Variants in RBFOX1 observed in about 807,000 individuals in gnomAD.
RBFOX1 encodes the protein RNA binding protein fox-1 homolog 1.
Under a neutral mutation model 57.7 loss-of-function variants are expected in RBFOX1, and 8 were observed. The ratio of observed to expected loss-of-function variants is 0.14; its 90% CI spans 0.08 to 0.25. The LOEUF (loss-of-function observed/expected upper bound fraction) is 0.25, where lower values mean the gene tolerates loss of function less well. Ranked by LOEUF, RBFOX1 falls within the 10% of genes least tolerant of loss-of-function variation. The pLI is 1.00. For missense variants in RBFOX1, 611 were observed against 548.5 expected (o/e 1.11, Z -1.14); for synonymous variants, 326 against 222.4 (o/e 1.47, Z -4.15).
At chr16:6,793,725 A>G (rs2083402244) in intron 3 of RBFOX1, among the ~76,000 whole-genome samples, 2 of 152,218 alleles carry the variant, frequency 1.3e-5, no homozygotes, top group South Asian at 4.1e-4. Context: ...GTTAGAGTAT[A>G]TTAAATTAAA....
chr16:5,719,924 G>A (rs913093633), intron 3 of RBFOX1, among the ~76,000 whole-genome samples: 1 of 152,134 alleles, frequency 6.6e-6, no homozygotes, highest in African/African-American at 2.4e-5. Context: ...ATATTTAGAA[G>A]TTCAGCTGCT....
intron 2 of RBFOX1, among the ~76,000 whole-genome samples, chr16:5,598,290 T>G (rs1401128668): frequency 6.6e-6 from 1 of 151,888 alleles, no homozygotes; most frequent in Admixed American, 6.6e-5. Context: ...TGCAAAGTGT[T>G]GCTGGAGTGG....
At chr16:6,461,735 T>A (rs1015134148) in intron 2 of RBFOX1, among the ~76,000 whole-genome samples, 1 of 152,198 alleles carries the variant, frequency 6.6e-6, no homozygotes, top group African/African-American at 2.4e-5. Context: ...ATTAATGGGA[T>A]AATTTTAGGT....
intron 3 of RBFOX1, among the ~76,000 whole-genome samples, chr16:6,928,316 C>G (rs6500879): frequency 0.77 from 116,564 of 152,086 alleles, 45,575 homozygotes; most frequent in African/African-American, 0.94. Flanking sequence ...GGGACAAAGG[C>G]GATCTGGAGG....
chr16:7,564,994 C>T (rs2091329748), intron 5 of RBFOX1, among the ~76,000 whole-genome samples: 1 of 152,084 alleles, frequency 6.6e-6, no homozygotes, highest in South Asian at 2.1e-4. Flanking sequence ...CGAAATGAGG[C>T]ATTAACTACA....
chr16:6,652,371 C>T (rs748711893), intron 2 of RBFOX1, among the ~76,000 whole-genome samples: 1 of 152,018 alleles, frequency 6.6e-6, no homozygotes, highest in Admixed American at 6.6e-5. Flanking sequence ...TCACTTGAAC[C>T]TGGGAGGTGG....
chr16:7,484,200 C>T (rs1022081271), intron 4 of RBFOX1, among the ~76,000 whole-genome samples: 2 of 152,110 alleles, frequency 1.3e-5, no homozygotes, highest in African/African-American at 2.4e-5. Context: ...TGGTACGTCA[C>T]GGTAGGAATA....
chr16:5,473,154 C>T (rs2069196394), intron 2 of RBFOX1, among the ~76,000 whole-genome samples: 1 of 152,210 alleles, frequency 6.6e-6, no homozygotes, highest in Non-Finnish European at 1.5e-5. Context: ...TCAGCATGAT[C>T]TGAAATAATA....
At chr16:5,974,453 AC>A (rs1343804117) in intron 4 of RBFOX1, among the ~76,000 whole-genome samples, 1 of 151,888 alleles carries the variant, frequency 6.6e-6, no homozygotes, top group South Asian at 2.1e-4. Flanking sequence ...TACTAAAAAT[AC>A]AAAAAATTAG....
chr16:5,908,327 T>C (rs2058526154), intron 4 of RBFOX1, among the ~76,000 whole-genome samples: 1 of 140,156 alleles, frequency 7.1e-6, no homozygotes, highest in Non-Finnish European at 1.5e-5. Flanking sequence ...CACACACATA[T>C]ATATATGTGT....
chr16:5,946,003 G>A lies in RBFOX1; in HGVS notation c.351+78668G>A, dbSNP rs946622252. Among the ~76,000 whole-genome samples the A allele has an allele frequency of 6.6e-5, 10 of 152,154 alleles. No individual in the cohort carries two copies. The highest frequency in any genetic ancestry group is 1.0e-4 in the Non-Finnish European group (7 of 68,036). ...CAGGGAATGGAACATCCACACCGGCGTCCACATTGGGTTTAAAAAGAGAAA... is the reference window on the plus strand; with the variant it reads ...CAGGGAATGGAACATCCACACCGGCATCCACATTGGGTTTAAAAAGAGAAA... On this transcript the variant is annotated intron_variant, in intron 4 of 19. Transcript: ENST00000641259. The surrounding 1 kb of genome is among the most constrained non-coding windows in gnomAD (Gnocchi z 4.6).
intron 4 of RBFOX1, among the ~76,000 whole-genome samples, chr16:7,283,885 T>A (rs1836464456): frequency 6.6e-6 from 1 of 152,176 alleles, no homozygotes; most frequent in African/African-American, 2.4e-5. Flanking sequence ...ACCACCAGCG[T>A]CCGCATGATT....
chr16:7,073,037 G>A (rs753309036), intron 4 of RBFOX1, among the ~76,000 whole-genome samples: 1 of 152,172 alleles, frequency 6.6e-6, no homozygotes, highest in Non-Finnish European at 1.5e-5. Flanking sequence ...AGGGTTAACT[G>A]TGACACAGAG....
intron 1 of RBFOX1, among the ~76,000 whole-genome samples, chr16:5,333,593 G>T (rs1878540): frequency 0.82 from 124,786 of 152,172 alleles, 54,060 homozygotes; most frequent in Non-Finnish European, 0.96. Flanking sequence ...TCTCCTGGAG[G>T]CAAGTGCTTC....
At chr16:5,491,242 C>T (rs2042817920) in intron 2 of RBFOX1, among the ~76,000 whole-genome samples, 1 of 152,132 alleles carries the variant, frequency 6.6e-6, no homozygotes, top group African/African-American at 2.4e-5. Context: ...TCTAGGACGC[C>T]AGCACCCACT....
chr16:6,979,744 G>C (rs931997887), intron 3 of RBFOX1, among the ~76,000 whole-genome samples: 4 of 152,198 alleles, frequency 2.6e-5, no homozygotes, highest in Admixed American at 1.3e-4. Context: ...CTCCTAAACA[G>C]TGGATGAAGA....
intron 3 of RBFOX1, among the ~76,000 whole-genome samples, chr16:6,880,973 A>G (rs890003926): frequency 2.6e-5 from 4 of 152,176 alleles, no homozygotes; most frequent in African/African-American, 2.4e-5. Flanking sequence ...GTTTTTCAAG[A>G]TGAATACACA....
At chr16:5,800,887 G>A (rs1215327350) in intron 3 of RBFOX1, among the ~76,000 whole-genome samples, 1 of 152,118 alleles carries the variant, frequency 6.6e-6, no homozygotes, top group Non-Finnish European at 1.5e-5. Context: ...GCAAAAATGA[G>A]TTAATAGTTT....
chr16:5,241,743 A>G (rs1469834153), intron 1 of RBFOX1, among the ~76,000 whole-genome samples: 2 of 152,202 alleles, frequency 1.3e-5, no homozygotes, highest in Non-Finnish European at 2.9e-5. Flanking sequence ...AATGGGACTT[A>G]GGACTGAAAC....
Sources: allele counts gnomAD v4.1 joint callset (sites outside exome capture counted in the v4.1 genomes callset), GRCh38; gene constraint gnomAD v4.1.1; non-coding constraint Gnocchi (gnomAD v3.1); transcripts MANE v1.5; gene names NCBI Gene and HGNC (gene_info 2026-07-23, HGNC 2026-07-21).